ZEB1: variants seen among roughly 807,000 people sequenced by gnomAD.
The protein encoded by ZEB1 is zinc finger E-box-binding homeobox 1.
In ZEB1, 21 loss-of-function variants were observed where a neutral mutation model predicts 84.9. That is an observed-to-expected ratio of 0.25 (90% CI 0.18 to 0.36). The LOEUF is 0.36. ZEB1 is among the 10% of genes least tolerant of loss of function. The pLI, the probability that ZEB1 is intolerant of heterozygous loss-of-function variation, is 1.00. For missense variants in ZEB1, 1,104 were observed against 1,330.2 expected (o/e 0.83, Z 2.65); for synonymous variants, 420 against 471.1 (o/e 0.89, Z 1.41).
chr10:31,398,496 A>T (rs1370217887), intron 1 of ZEB1, among the ~76,000 whole-genome samples: 1 of 152,156 alleles, frequency 6.6e-6, no homozygotes, highest in Non-Finnish European at 1.5e-5. Context: ...CTTTTCCACC[A>T]ACATACAAAT....
At chr10:31,366,360 C>T (rs144469429) in intron 1 of ZEB1, among the ~76,000 whole-genome samples, 28 of 152,272 alleles carry the variant, frequency 1.8e-4, no homozygotes, top group African/African-American at 4.1e-4. Flanking sequence ...TGCTGTGTCA[C>T]GCAGGCTCCT....
chr10:31,447,935 A>G (rs1478317430), intron 1 of ZEB1, among the ~76,000 whole-genome samples: 1 of 151,758 alleles, frequency 6.6e-6, no homozygotes, highest in Non-Finnish European at 1.5e-5. Context: ...CGTTCTCTGT[A>G]TTTCCTGAAT....
At chr10:31,341,036 A>G (rs572269335) in intron 1 of ZEB1, among the ~76,000 whole-genome samples, 1 of 152,310 alleles carries the variant, frequency 6.6e-6, no homozygotes, top group African/African-American at 2.4e-5. Flanking sequence ...AAACCAAATC[A>G]TGGAAGCTTT....
chr10:31,459,632 A>T (rs2061600956), intron 1 of ZEB1, among the ~76,000 whole-genome samples: 1 of 152,076 alleles, frequency 6.6e-6, no homozygotes, highest in African/African-American at 2.4e-5. Flanking sequence ...TAATGGCATA[A>T]CAAAACTTGA....
At chr10:31,452,703 G>A (rs1371108155) in intron 1 of ZEB1, among the ~76,000 whole-genome samples, 1 of 97,414 alleles carries the variant, frequency 1.0e-5, no homozygotes, top group African/African-American at 4.9e-5. Context: ...AGGATAAAAT[G>A]TGTGTGTGTG....
chr10:31,362,203 CA>C (rs1564588342), intron 1 of ZEB1, among the ~76,000 whole-genome samples: 3 of 146,556 alleles, frequency 2.0e-5, no homozygotes, highest in African/African-American at 7.6e-5. Context: ...TACTGTGAGG[CA>C]GCTGGGCAGA....
intron 1 of ZEB1, among the ~76,000 whole-genome samples, chr10:31,337,564 A>G (rs1235995778): frequency 6.6e-6 from 1 of 151,540 alleles, no homozygotes; most frequent in African/African-American, 2.4e-5. Context: ...TGTATTTCCT[A>G]TGTACGTATG....
intron 1 of ZEB1, among the ~76,000 whole-genome samples, chr10:31,440,365 G>A (rs1196068388): frequency 6.6e-6 from 1 of 151,864 alleles, no homozygotes; most frequent in African/African-American, 2.4e-5. Flanking sequence ...AGCCCTTCAT[G>A]CTAAAAACTC....
intron 1 of ZEB1, among the ~76,000 whole-genome samples, chr10:31,384,296 A>T (rs2048250656): frequency 6.6e-6 from 1 of 152,064 alleles, no homozygotes; most frequent in Non-Finnish European, 1.5e-5. Flanking sequence ...CTCCTTGAAG[A>T]ATGGGCTATG....
intron 1 of ZEB1, among the ~76,000 whole-genome samples, chr10:31,362,193 T>C (rs879609729): frequency 9.0e-6 from 1 of 111,106 alleles, no homozygotes; most frequent in Non-Finnish European, 1.9e-5. Flanking sequence ...TCACTTCCCA[T>C]ACTGTGAGGC....
intron 4 of ZEB1, among the ~76,000 whole-genome samples, chr10:31,509,868 T>C (rs923328981): frequency 6.6e-6 from 1 of 152,238 alleles, no homozygotes; most frequent in Non-Finnish European, 1.5e-5. Context: ...TTTAGGATTG[T>C]CAGGCTTAGA....
intron 1 of ZEB1, among the ~76,000 whole-genome samples, chr10:31,445,980 C>G (rs1346104589): frequency 5.3e-5 from 7 of 131,360 alleles, no homozygotes; most frequent in African/African-American, 2.1e-4. Context: ...GGAATAGTTT[C>G]AGAAGGAATG....
chr10:31,510,257 A>G (rs866256198), intron 4 of ZEB1, among the ~76,000 whole-genome samples: 4 of 152,208 alleles, frequency 2.6e-5, no homozygotes, highest in Admixed American at 1.3e-4. Context: ...GATACATACC[A>G]TTGTTACCAA....
At chr10:31,524,202 C>CT (rs59206948) in intron 8 of ZEB1, 89 bp downstream of exon 8, 90,587 of 1,010,676 alleles carry the variant, frequency 0.09, 28 homozygotes, top group Non-Finnish European at 0.1. Context: ...AATTTTCTTT[C>CT]TTTTTTTTTT....
At chr10:31,432,814 A>G (rs2057878097) in intron 1 of ZEB1, among the ~76,000 whole-genome samples, 1 of 152,242 alleles carries the variant, frequency 6.6e-6, no homozygotes, top group Non-Finnish European at 1.5e-5. Context: ...ACATGTTAAC[A>G]TAAAATATCT....
At chr10:31,490,168 C>T (rs1057511825) in intron 2 of ZEB1, among the ~76,000 whole-genome samples, 2 of 151,142 alleles carry the variant, frequency 1.3e-5, no homozygotes, top group African/African-American at 4.9e-5. Flanking sequence ...TGGGTTCGAG[C>T]CTAGATTTGG....
intron 2 of ZEB1, among the ~76,000 whole-genome samples, chr10:31,472,398 T>C (rs2063398720): frequency 6.6e-6 from 1 of 152,070 alleles, no homozygotes; most frequent in Non-Finnish European, 1.5e-5. Flanking sequence ...CCCACAGAAA[T>C]ACAAACTACC....
At chr10:31,319,159 G>A (rs1423656446), upstream of ZEB1, 3 of 978,500 alleles carry the variant, frequency 3.1e-6, no homozygotes, top group African/African-American at 1.7e-5. Context: ...GGGAGGGGTG[G>A]AGGCGGAGGG....
chr10:31,350,514 A>G (rs1444107410), intron 1 of ZEB1, among the ~76,000 whole-genome samples: 1 of 152,194 alleles, frequency 6.6e-6, no homozygotes, highest in Non-Finnish European at 1.5e-5. Flanking sequence ...TACCTCATGG[A>G]GACTTTGGTA....
Sources: gnomAD v4.1 joint callset for allele counts (sites outside exome capture counted in the v4.1 genomes callset) on GRCh38, gnomAD v4.1.1 for gene constraint, MANE v1.5 for transcripts, NCBI Gene and HGNC (gene_info 2026-07-23, HGNC 2026-07-21) for gene names.